LRRC4C: variants seen among roughly 807,000 people sequenced by gnomAD.
LRRC4C encodes the protein leucine rich repeat containing 4C.
LRRC4C carries 5 observed loss-of-function variants against 33.6 expected under a neutral mutation model. The ratio of observed to expected loss-of-function variants is 0.15; its 90% CI spans 0.08 to 0.31. LRRC4C has a LOEUF of 0.31. Ranked by LOEUF, LRRC4C falls within the 10% of genes least tolerant of loss-of-function variation. The pLI, the probability that LRRC4C is intolerant of heterozygous loss-of-function variation, is 1.00. For missense variants in LRRC4C, 560 were observed against 796.7 expected (o/e 0.70, Z 3.58); for synonymous variants, 329 against 302.0 (o/e 1.09, Z -0.93).
chr11:40,901,463 T>C (rs1410215516), intron 2 of LRRC4C, among the ~76,000 whole-genome samples: 2 of 152,090 alleles, frequency 1.3e-5, no homozygotes, highest in Non-Finnish European at 2.9e-5. Flanking sequence ...TTGAAGGCCA[T>C]ACAAGAATGT....
At chr11:40,818,576 A>G (rs1022093036) in intron 2 of LRRC4C, among the ~76,000 whole-genome samples, 7 of 152,068 alleles carry the variant, frequency 4.6e-5, no homozygotes, top group African/African-American at 1.7e-4. Context: ...TTCAGTTTCT[A>G]TGATAAGGAA....
chr11:40,180,855 T>C (rs778930457), intron 5 of LRRC4C, among the ~76,000 whole-genome samples: 2 of 152,194 alleles, frequency 1.3e-5, no homozygotes, highest in Non-Finnish European at 2.9e-5. Context: ...TTGTTTTGTA[T>C]TTATCATAAA....
intron 1 of LRRC4C, among the ~76,000 whole-genome samples, chr11:41,053,883 T>C (rs1377014271): frequency 6.6e-6 from 1 of 152,210 alleles, no homozygotes; most frequent in Non-Finnish European, 1.5e-5. Flanking sequence ...ACTTAAATGA[T>C]TTTAGCATGA....
intron 2 of LRRC4C, among the ~76,000 whole-genome samples, chr11:40,765,774 G>T (rs1470004242): frequency 6.6e-6 from 1 of 150,574 alleles, no homozygotes; most frequent in East Asian, 2.0e-4. Flanking sequence ...TTGAAAATAT[G>T]CAGTCAGAGA....
chr11:41,142,499 T>C (rs934804465), intron 1 of LRRC4C, among the ~76,000 whole-genome samples: 2 of 152,200 alleles, frequency 1.3e-5, no homozygotes, highest in African/African-American at 4.8e-5. Context: ...ACTACTGATT[T>C]AATGGTTACT....
At chr11:41,363,417 G>A (rs1406904769) in intron 1 of LRRC4C, among the ~76,000 whole-genome samples, 1 of 152,138 alleles carries the variant, frequency 6.6e-6, no homozygotes, top group Non-Finnish European at 1.5e-5. Context: ...GGTGCCAAAT[G>A]TTTTCTGTAT....
At chr11:41,222,111 A>G (rs998494559) in intron 1 of LRRC4C, among the ~76,000 whole-genome samples, 1 of 152,202 alleles carries the variant, frequency 6.6e-6, no homozygotes, top group Non-Finnish European at 1.5e-5. Flanking sequence ...TCAAATGATC[A>G]ACTAGCAACA....
At chr11:41,175,388 A>C (rs1174289445) in intron 1 of LRRC4C, among the ~76,000 whole-genome samples, 1 of 152,062 alleles carries the variant, frequency 6.6e-6, no homozygotes, top group African/African-American at 2.4e-5. Context: ...TAAACAAATA[A>C]AATAACATTT....
chr11:40,994,555 G>A (rs1294621031), intron 1 of LRRC4C, among the ~76,000 whole-genome samples: 2 of 152,028 alleles, frequency 1.3e-5, no homozygotes, highest in Non-Finnish European at 2.9e-5. Flanking sequence ...GAAAACCCTG[G>A]TGATGTATGT....
At chr11:41,080,848 T>C (rs1381128539) in intron 1 of LRRC4C, among the ~76,000 whole-genome samples, 1 of 152,218 alleles carries the variant, frequency 6.6e-6, no homozygotes, top group African/African-American at 2.4e-5. Flanking sequence ...TATTTATTGT[T>C]TCATGGCCAA....
chr11:40,282,059 T>G (rs1486089733), intron 4 of LRRC4C, among the ~76,000 whole-genome samples: 1 of 152,170 alleles, frequency 6.6e-6, no homozygotes, highest in East Asian at 1.9e-4. Context: ...TGACAAGAAC[T>G]AAGACAAAAC....
In LRRC4C at chr11:41,307,377, T is replaced by C. The variant is rs188234842; in HGVS notation, c.-496+152054A>G. On this transcript the variant is annotated intron_variant, in intron 1 of 6. Coordinates refer to ENST00000528697, the MANE Select transcript of LRRC4C (RefSeq NM_001258419.2). ...ATAAAAAATGCTTTCTTGTCTTCCA[T>C]AGTGGAAGAAGTCAAGCCCCAGGGA... Among the ~76,000 whole-genome samples, 21 of 152,236 alleles carry C rather than the reference T, an allele frequency of 1.4e-4. 1 individual carries two copies. In the East Asian group the frequency reaches 3.3e-3, roughly 24 times the overall value.
intron 1 of LRRC4C, among the ~76,000 whole-genome samples, chr11:40,956,692 T>C (rs1958970546): frequency 6.6e-6 from 1 of 151,720 alleles, no homozygotes; most frequent in African/African-American, 2.4e-5. Flanking sequence ...AAATCTTGAT[T>C]TATCTCTTCT....
intron 1 of LRRC4C, among the ~76,000 whole-genome samples, chr11:41,352,852 C>A (rs1365126997): frequency 6.6e-6 from 1 of 151,944 alleles, no homozygotes; most frequent in Non-Finnish European, 1.5e-5. Context: ...ACACCAGAAT[C>A]TCTGGGACAT....
chr11:40,948,937 T>G (rs375999447), intron 1 of LRRC4C, among the ~76,000 whole-genome samples: 2 of 151,354 alleles, frequency 1.3e-5, no homozygotes, highest in African/African-American at 4.9e-5. Flanking sequence ...CCTGAGGAAT[T>G]GCCACACTGA....
chr11:40,937,601 ATATG>A (rs1409638979), intron 1 of LRRC4C, among the ~76,000 whole-genome samples: 39 of 114,758 alleles, frequency 3.4e-4, no homozygotes, highest in African/African-American at 1.2e-3. Flanking sequence ...GAGTGTGTGT[ATATG>A]TGTGTGTGTG....
At chr11:40,519,241 A>C (rs893113602) in intron 3 of LRRC4C, among the ~76,000 whole-genome samples, 7 of 152,250 alleles carry the variant, frequency 4.6e-5, no homozygotes, top group Admixed American at 4.6e-4. Context: ...AAGTATAATA[A>C]AAAAATCAAA....
chr11:40,883,789 C>T (rs576012803), intron 2 of LRRC4C, among the ~76,000 whole-genome samples: 1 of 151,756 alleles, frequency 6.6e-6, no homozygotes, highest in African/African-American at 2.4e-5. Flanking sequence ...TGCTGAGGAT[C>T]TCTATAGAAA....
intron 5 of LRRC4C, among the ~76,000 whole-genome samples, chr11:40,231,411 T>C (rs1865188115): frequency 6.6e-6 from 1 of 152,192 alleles, no homozygotes; most frequent in South Asian, 2.1e-4. Flanking sequence ...TAGATATCCA[T>C]ATATGTATAT....
Sources: allele counts gnomAD v4.1 joint callset (sites outside exome capture counted in the v4.1 genomes callset), GRCh38; gene constraint gnomAD v4.1.1; transcripts MANE v1.5; gene names NCBI Gene and HGNC (gene_info 2026-07-23, HGNC 2026-07-21).